The following HERC1 variants were observed in gnomAD, a reference collection of about 807,000 sequenced individuals.
HERC1 encodes the protein HECT and RLD domain containing E3 ubiquitin protein ligase family member 1, also known as probable E3 ubiquitin-protein ligase HERC1.
In HERC1, 160 loss-of-function variants were observed where a neutral mutation model predicts 554.3. The ratio of observed to expected loss-of-function variants is 0.29; its 90% CI spans 0.25 to 0.33. The LOEUF is 0.33. Among genes scored for constraint, HERC1 ranks in the 10% least tolerant of loss-of-function variants. The pLI is 1.00. For missense variants in HERC1, 4,919 were observed against 5,918.5 expected (o/e 0.83, Z 5.54); for synonymous variants, 2,175 against 2,131.7 (o/e 1.02, Z -0.56).
At chr15:63,793,029 G>T (rs749245157) in intron 1 of HERC1, among the ~76,000 whole-genome samples, 1 of 152,188 alleles carries the variant, frequency 6.6e-6, no homozygotes, top group African/African-American at 2.4e-5. Flanking sequence ...TATTACAAAG[G>T]GTATCAATGA....
rs192840076 is a variant in HERC1 at position 63,649,932 on chromosome 15, G to A, written c.10547-7C>T. ...TCTACTAATCCTTTTCCTCCTAAAA[G>A]GGAAAAAATGTTAACTAGTTTTTAC... On this transcript the variant is annotated splice_polypyrimidine_tract_variant and splice_region_variant and intron_variant, in intron 53 of 77. Coordinates refer to ENST00000443617, the MANE Select transcript of HERC1 (RefSeq NM_003922.4). 730 of 1,573,050 alleles carry A rather than the reference G, an allele frequency of 4.6e-4. 4 individuals carry two copies. The African/African-American group carries it at 6.2e-3, about 13-fold the overall frequency.
intron 14 of HERC1, among the ~76,000 whole-genome samples, chr15:63,730,174 G>A (rs1016143909): frequency 6.9e-6 from 1 of 145,678 alleles, no homozygotes; most frequent in African/African-American, 2.5e-5. Context: ...AAAAAAAGCA[G>A]CTGGGTGCGG....
Position 63,637,488 on chromosome 15 carries a change from A to C in HERC1, c.12232+17T>G. 1 of 1,561,232 alleles carries C rather than the reference A, an allele frequency of 6.4e-7. No homozygotes were observed. Among genetic ancestry groups the C allele is most frequent in the Non-Finnish European group, 8.7e-7 (1 of 1,150,936 alleles). Reference sequence around the variant, plus strand: ...GGCCTTAGGTTCTAACCATCTTTTTATTAAGGACAATTTTACCTTGTAAGG... The same window carrying C: ...GGCCTTAGGTTCTAACCATCTTTTTCTTAAGGACAATTTTACCTTGTAAGG... On this transcript the variant is annotated intron_variant, in intron 64 of 77. Transcript: ENST00000443617.
chr15:63,692,109 G>A lies in HERC1; in HGVS notation c.5830+302C>T, dbSNP rs1012635487. On this transcript the variant is annotated intron_variant, in intron 31 of 77. Transcript: ENST00000443617. The surrounding 1 kb of genome is among the most constrained non-coding windows in gnomAD (Gnocchi z 4.7). Reference sequence around the variant, plus strand: ...AATCCAAGAAGCAAGGTCGGAATCTGTGCTAAAATATCGTATTAAACAGGA... The same window carrying A: ...AATCCAAGAAGCAAGGTCGGAATCTATGCTAAAATATCGTATTAAACAGGA... Among the ~76,000 whole-genome samples, 5 of 152,220 alleles carry A rather than the reference G, an allele frequency of 3.3e-5. No individual in the cohort carries two copies. Among genetic ancestry groups the A allele is most frequent in the Non-Finnish European group, 7.3e-5 (5 of 68,040 alleles).
At chr15:63,789,949 A>T (rs1294868156) in intron 1 of HERC1, among the ~76,000 whole-genome samples, 1 of 152,114 alleles carries the variant, frequency 6.6e-6, no homozygotes, top group African/African-American at 2.4e-5. Context: ...CACAAACAAT[A>T]TTAGAGGAAT....
At chr15:63,783,715 A>C (rs1024442663) in intron 1 of HERC1, among the ~76,000 whole-genome samples, 1 of 152,206 alleles carries the variant, frequency 6.6e-6, no homozygotes, top group African/African-American at 2.4e-5. Context: ...CTATTGGTAG[A>C]CCATGAATTC....
In HERC1 at chr15:63,678,031, T is replaced by G. The variant is rs910466717; in HGVS notation, c.6884A>C (p.Gln2295Pro). 6.2e-7 allele frequency: 1 copy of G among 1,614,032 alleles called. No homozygotes were observed. Residue 2295 changes from glutamine (Q) to proline (P), a missense_variant, in exon 37 of 78, where the codon CAG becomes CCG. Gln to Pro is a moderately conservative substitution (Grantham distance 76, BLOSUM62 -1). Coordinates refer to ENST00000443617, the MANE Select transcript of HERC1 (RefSeq NM_003922.4). ...RHGLADLSEL[Q>P]LRTLCIEVWP... ...CACCTCTATGCAAAGAGTCCTCAGC[T>G]GCAGCTCTGAGAGGTCAGCGAGGCC...
At chr15:63,791,690 T>C (rs1256479213) in intron 1 of HERC1, among the ~76,000 whole-genome samples, 1 of 152,174 alleles carries the variant, frequency 6.6e-6, no homozygotes, top group Non-Finnish European at 1.5e-5. Flanking sequence ...TTAAAATCAA[T>C]TCGATGTCTA....
intron 26 of HERC1, among the ~76,000 whole-genome samples, chr15:63,696,623 C>G (rs1202712309): frequency 6.6e-6 from 1 of 151,984 alleles, no homozygotes; most frequent in East Asian, 1.9e-4. Flanking sequence ...TACTGTGTGG[C>G]CTTGGGAAAG....
intron 1 of HERC1, among the ~76,000 whole-genome samples, chr15:63,831,372 G>A (rs2078148753): frequency 6.6e-6 from 1 of 152,152 alleles, no homozygotes; most frequent in Admixed American, 6.5e-5. Flanking sequence ...CTCCCCAAGG[G>A]CTGAGATTAC....
intron 1 of HERC1, 74 bp downstream of exon 1, chr15:63,833,753 G>A (rs8028039): frequency 0.17 from 7,639 of 46,084 alleles, 537 homozygotes; most frequent in African/African-American, 0.3. Flanking sequence ...ACGCGCGCGC[G>A]CACACACACA....
intron 1 of HERC1, among the ~76,000 whole-genome samples, chr15:63,783,161 G>A (rs1242842348): frequency 6.6e-6 from 1 of 152,206 alleles, no homozygotes; most frequent in African/African-American, 2.4e-5. Context: ...TTTGAAAGAA[G>A]TTCTACTGTG....
At chr15:63,706,659 A>C (rs1474579294) in intron 25 of HERC1, 121 bp downstream of exon 25, 7 of 490,970 alleles carry the variant, frequency 1.4e-5, no homozygotes, top group Non-Finnish European at 2.5e-5. Flanking sequence ...TTTCAAAGAC[A>C]ATCATATCTA....
Position 63,657,764 on chromosome 15 carries a change from T to C in HERC1, c.9599+780A>G, listed in dbSNP as rs187171623. ...TAAACTTTATTGATTTATTTTTCTTTTATATTTAGATCTAATAGCCACTTT... is the reference window on the plus strand; with the variant it reads ...TAAACTTTATTGATTTATTTTTCTTCTATATTTAGATCTAATAGCCACTTT... On this transcript the variant is annotated intron_variant, in intron 48 of 77. Coordinates refer to ENST00000443617, the MANE Select transcript of HERC1 (RefSeq NM_003922.4). Among the ~76,000 whole-genome samples, 4 of 152,318 alleles carry C rather than the reference T, an allele frequency of 2.6e-5. No individual in the cohort carries two copies. The East Asian group carries it at 7.7e-4, about 29-fold the overall frequency.
At chr15:63,704,734 ATTTTT>A in intron 25 of HERC1, among the ~76,000 whole-genome samples, 1 of 88,440 alleles carries the variant, frequency 1.1e-5, no homozygotes. Flanking sequence ...ATACTCTGTA[ATTTTT>A]TTTTTTTTTT....
chr15:63,745,209 C>A (rs894070152), intron 12 of HERC1, among the ~76,000 whole-genome samples: 14 of 152,150 alleles, frequency 9.2e-5, no homozygotes, highest in African/African-American at 3.4e-4. Context: ...TGTAGCCTGG[C>A]ATTGGGGTCG....
chr15:63,814,188 A>T (rs1417008474), intron 1 of HERC1, among the ~76,000 whole-genome samples: 5 of 152,236 alleles, frequency 3.3e-5, no homozygotes, highest in African/African-American at 1.2e-4. Context: ...ACAACTATAC[A>T]TCATAATTTA....
chr15:63,750,654 G>A (rs946224432), intron 8 of HERC1, among the ~76,000 whole-genome samples: 6 of 152,288 alleles, frequency 3.9e-5, no homozygotes, highest in South Asian at 4.1e-4. Flanking sequence ...AGCACTGTCC[G>A]GATGTAGTGG....
intron 32 of HERC1, 30 bp from the exon 33 acceptor site, chr15:63,689,729 T>C (rs2071995189): frequency 1.0e-5 from 13 of 1,305,152 alleles, no homozygotes; most frequent in Non-Finnish European, 1.3e-5. Context: ...AGGATAAAAT[T>C]TGTAAAAAGT....
Sources: allele counts gnomAD v4.1 joint callset (sites outside exome capture counted in the v4.1 genomes callset), GRCh38; gene constraint gnomAD v4.1.1; non-coding constraint Gnocchi (gnomAD v3.1); transcripts MANE v1.5; gene names NCBI Gene and HGNC (gene_info 2026-07-23, HGNC 2026-07-21).